The following CATSPERT variants were observed in gnomAD, a reference collection of about 807,000 sequenced individuals.
CATSPERT encodes cation channel sperm-associated targeting subunit tau.
the CATSPERT span, among the ~76,000 whole-genome samples, chr2:201,488,933 T>C: frequency 2.0e-5 from 3 of 152,232 alleles, no homozygotes; most frequent in African/African-American, 7.2e-5. Flanking sequence ...TAATTTATGC[T>C]ATGTTAGTGA....
the CATSPERT span, among the ~76,000 whole-genome samples, chr2:201,602,404 T>G: frequency 1.3e-5 from 2 of 152,140 alleles, no homozygotes; most frequent in Admixed American, 6.5e-5. Flanking sequence ...AATCTCATTA[T>G]ACAGAATTAT....
the CATSPERT span, among the ~76,000 whole-genome samples, chr2:201,544,543 T>TCA: frequency 0.44 from 65,726 of 150,376 alleles, 14,339 homozygotes; most frequent in Admixed American, 0.54. Flanking sequence ...ACTTTCTTTT[T>TCA]CACACACACA....
the CATSPERT span, among the ~76,000 whole-genome samples, chr2:201,563,078 C>T: frequency 2.0e-5 from 3 of 150,452 alleles, no homozygotes; most frequent in Non-Finnish European, 3.0e-5. Context: ...CTCCTCACCT[C>T]CCAGTAGGGG....
the CATSPERT span, among the ~76,000 whole-genome samples, chr2:201,539,102 T>C: frequency 3.3e-5 from 5 of 152,192 alleles, no homozygotes; most frequent in African/African-American, 1.2e-4. Context: ...TTCTTTGCTA[T>C]TGTGAATGGT....
At chr2:201,493,918 C>T in the CATSPERT span, 1 of 1,537,006 alleles carries the variant, frequency 6.5e-7, no homozygotes, top group African/African-American at 1.4e-5. Context: ...TCCTGGTCCA[C>T]TTTCTAAAAA....
the CATSPERT span, among the ~76,000 whole-genome samples, chr2:201,613,920 T>A: frequency 1.3e-5 from 2 of 152,126 alleles, no homozygotes; most frequent in Admixed American, 6.6e-5. Context: ...ATGCACAAGC[T>A]TCAGTAGCCG....
At chr2:201,588,038 T>A in the CATSPERT span, among the ~76,000 whole-genome samples, 2 of 152,108 alleles carry the variant, frequency 1.3e-5, no homozygotes, top group Admixed American at 1.3e-4. Context: ...CAAGACCAGA[T>A]GAATTCATAG....
the CATSPERT span, among the ~76,000 whole-genome samples, chr2:201,506,251 A>G: frequency 6.6e-6 from 1 of 150,784 alleles, no homozygotes; most frequent in East Asian, 2.0e-4. Context: ...TGGGCGACAG[A>G]GCGAGACTCC....
the CATSPERT span, among the ~76,000 whole-genome samples, chr2:201,533,366 G>A: frequency 6.6e-6 from 1 of 152,246 alleles, no homozygotes; most frequent in African/African-American, 2.4e-5. Context: ...TTATTCAAAG[G>A]GTAAGGCCAA....
chr2:201,565,713 T>C, the CATSPERT span: 3 of 1,504,102 alleles, frequency 2.0e-6, no homozygotes, highest in South Asian at 1.3e-5. Flanking sequence ...GAATTTTTTT[T>C]TTTTTTTTTT....
chr2:201,515,823 A>AAT, the CATSPERT span, among the ~76,000 whole-genome samples: 1 of 152,240 alleles, frequency 6.6e-6, no homozygotes, highest in Non-Finnish European at 1.5e-5. Context: ...GCAAATGGCA[A>AAT]GGACTCCTCT....
chr2:201,554,376 C>A, the CATSPERT span: 1 of 152,030 alleles, frequency 6.6e-6, no homozygotes, highest in East Asian at 1.9e-4. Context: ...AAACTCAAAT[C>A]TTCTCCAATG....
chr2:201,529,003 A>T, the CATSPERT span, among the ~76,000 whole-genome samples: 1 of 152,166 alleles, frequency 6.6e-6, no homozygotes. Context: ...CCCATTTACC[A>T]TAGCTATACT....
the CATSPERT span, chr2:201,553,829 G>A: frequency 6.6e-6 from 1 of 152,154 alleles, no homozygotes; most frequent in South Asian, 2.1e-4. Flanking sequence ...AATAGGCACT[G>A]TCTGCCTGCC....
chr2:201,505,876 G>A, the CATSPERT span, among the ~76,000 whole-genome samples: 2 of 152,158 alleles, frequency 1.3e-5, no homozygotes, highest in Non-Finnish European at 2.9e-5. Context: ...TGGATGAGGG[G>A]TATATAGGAA....
the CATSPERT span, chr2:201,496,087 T>A: frequency 1.7e-6 from 1 of 600,318 alleles, no homozygotes; most frequent in Non-Finnish European, 2.8e-6. Context: ...ATTTTTATCA[T>A]AACAACTATA....
chr2:201,531,492 A>C, the CATSPERT span, among the ~76,000 whole-genome samples: 1 of 152,142 alleles, frequency 6.6e-6, no homozygotes, highest in Non-Finnish European at 1.5e-5. Flanking sequence ...TAAATGACTA[A>C]AGAAACATAA....
chr2:201,540,766 G>A, the CATSPERT span, among the ~76,000 whole-genome samples: 1 of 152,214 alleles, frequency 6.6e-6, no homozygotes, highest in African/African-American at 2.4e-5. Context: ...ACAGATCAAG[G>A]AGTAATTTCA....
At chr2:201,527,931 C>CT in the CATSPERT span, among the ~76,000 whole-genome samples, 92 of 151,970 alleles carry the variant, frequency 6.1e-4, no homozygotes, top group African/African-American at 1.8e-3. Flanking sequence ...AACTAAAGAG[C>CT]TTCTGCACAG....
Sources: allele counts gnomAD v4.1 joint callset (sites outside exome capture counted in the v4.1 genomes callset), GRCh38; gene constraint gnomAD v4.1.1; transcripts MANE v1.5; gene names NCBI Gene and HGNC (gene_info 2026-07-23, HGNC 2026-07-21).